The following GSE1 variants were observed in gnomAD, a reference collection of about 807,000 sequenced individuals.
The protein encoded by GSE1 is genetic suppressor element 1.
GSE1 carries 32 observed loss-of-function variants against 112.6 expected under a neutral mutation model. The ratio of observed to expected loss-of-function variants is 0.28; its 90% confidence interval spans 0.21 to 0.38. The LOEUF is 0.38. GSE1 is among the 10% of genes least tolerant of loss of function. The pLI, the probability that GSE1 is intolerant of heterozygous loss-of-function variation, is 1.00. For synonymous variants in GSE1, 1,115 were observed against 735.6 expected, an observed-to-expected ratio of 1.52 and a Z score of -8.35; for missense variants, 2,348 against 1,699.2, an observed-to-expected ratio of 1.38 and a Z score of -6.71.
At chr16:85,267,539 T>G (rs1327600901) in intron 1 of GSE1, among the ~76,000 whole-genome samples, 1 of 152,112 alleles carries the variant, frequency 6.6e-6, no homozygotes. Flanking sequence ...GTCACGCTCC[T>G]TAGCCACCCC....
intron 1 of GSE1, among the ~76,000 whole-genome samples, chr16:85,255,101 T>C (rs1343158864): frequency 6.9e-6 from 1 of 145,976 alleles, no homozygotes; most frequent in Non-Finnish European, 1.5e-5. Context: ...GCGGCGGCGG[T>C]CGCTGTTGCC....
Position 85,184,394 on chromosome 16 carries a change from C to T in GSE1, c.2283+12587C>T, listed in dbSNP as rs185884981. Among the ~76,000 whole-genome samples, 801 of 152,304 alleles carry T rather than the reference C, an allele frequency of 5.3e-3. 8 individuals are homozygous for T. Among genetic ancestry groups the T allele is most frequent in the African/African-American group, 0.018 (762 of 41,556 alleles). On this transcript the variant is annotated intron_variant, in intron 1 of 2. Transcript: ENST00000637419. ...GGGAAAAGAGGGGAATCTGCAAAGT[C>T]ATGTTTTCCCTCAGGATGTGGAGAG...
At chr16:85,574,554 G>A (rs116162335) in intron 1 of GSE1, among the ~76,000 whole-genome samples, 11,656 of 152,268 alleles carry the variant, frequency 0.077, 1,075 homozygotes, top group African/African-American at 0.2. Flanking sequence ...AAGTGACCTC[G>A]TAGAACACAC....
chr16:85,182,146 G>A (rs2143313185), intron 1 of GSE1, among the ~76,000 whole-genome samples: 1 of 152,298 alleles, frequency 6.6e-6, no homozygotes, highest in African/African-American at 2.4e-5. Flanking sequence ...CTCCTGGGAA[G>A]CCCTCCCCCA....
intron 1 of GSE1, among the ~76,000 whole-genome samples, chr16:85,563,896 G>A (rs1327864327): frequency 1.3e-5 from 2 of 152,220 alleles, no homozygotes; most frequent in Admixed American, 6.5e-5. Context: ...GGCGAGCTAG[G>A]ATGTTGTTGC....
chr16:85,492,343 C>T (rs1312398432), intron 2 of GSE1, among the ~76,000 whole-genome samples: 3 of 152,178 alleles, frequency 2.0e-5, no homozygotes, highest in South Asian at 4.1e-4. Flanking sequence ...CAGCAGGCCC[C>T]ATCCCTGTTT....
intron 1 of GSE1, among the ~76,000 whole-genome samples, chr16:85,572,386 C>CCT (rs2046035208): frequency 6.8e-6 from 1 of 148,148 alleles, no homozygotes; most frequent in Admixed American, 6.7e-5. Context: ...ACCACATACC[C>CCT]CCACACACAA....
At chr16:85,172,823 C>T (rs913182129) in intron 1 of GSE1, among the ~76,000 whole-genome samples, 2 of 152,244 alleles carry the variant, frequency 1.3e-5, no homozygotes, top group Non-Finnish European at 2.9e-5. Context: ...CTCCCACCTG[C>T]ACGTGTGGGG....
chr16:85,305,919 G>A (rs376029926), intron 1 of GSE1, among the ~76,000 whole-genome samples: 2 of 152,050 alleles, frequency 1.3e-5, no homozygotes, highest in South Asian at 2.1e-4. Flanking sequence ...GTGAAACACC[G>A]TCTCTACTAA....
At chr16:85,267,249 G>A (rs1908344269) in intron 1 of GSE1, among the ~76,000 whole-genome samples, 1 of 152,206 alleles carries the variant, frequency 6.6e-6, no homozygotes, top group Admixed American at 6.5e-5. Flanking sequence ...GGGGTGCCCA[G>A]GAAGTGGGGG....
At chr16:85,501,215 G>C (rs2051355947) in intron 2 of GSE1, among the ~76,000 whole-genome samples, 1 of 151,684 alleles carries the variant, frequency 6.6e-6, no homozygotes, top group Admixed American at 6.6e-5. Flanking sequence ...TGTTAGCCAG[G>C]ATAGTCTCAA....
intron 14 of GSE1, among the ~76,000 whole-genome samples, chr16:85,669,435 A>C (rs1052577054): frequency 1.3e-5 from 2 of 151,894 alleles, no homozygotes; most frequent in Admixed American, 6.6e-5. Context: ...AGTCAGGAAA[A>C]GTATTCTCCA....
chr16:85,563,874 C>G (rs574913646), intron 1 of GSE1, among the ~76,000 whole-genome samples: 1 of 152,372 alleles, frequency 6.6e-6, no homozygotes, highest in African/African-American at 2.4e-5. Flanking sequence ...TTGGACCGGG[C>G]TGTGCCACTG....
At chr16:85,300,373 A>G (rs980146265) in intron 1 of GSE1, among the ~76,000 whole-genome samples, 1 of 152,184 alleles carries the variant, frequency 6.6e-6, no homozygotes, top group Non-Finnish European at 1.5e-5. Context: ...GTGCCGTACA[A>G]CTGTCACCGC....
At chr16:85,269,506 C>T (rs1908612061) in intron 1 of GSE1, among the ~76,000 whole-genome samples, 1 of 149,454 alleles carries the variant, frequency 6.7e-6, no homozygotes, top group African/African-American at 2.4e-5. Context: ...GGTAACAAAA[C>T]ACTCTTTCCT....
chr16:85,307,749 G>C (rs147818844), intron 1 of GSE1, among the ~76,000 whole-genome samples: 6 of 152,310 alleles, frequency 3.9e-5, no homozygotes, highest in Admixed American at 1.3e-4. Context: ...GATGCCCTGT[G>C]GTTCAAGGCC....
intron 2 of GSE1, among the ~76,000 whole-genome samples, chr16:85,518,142 C>T (rs374083705): frequency 1.3e-4 from 20 of 152,354 alleles, no homozygotes; most frequent in Middle Eastern, 3.4e-3. Flanking sequence ...GCTGCTGCCA[C>T]GGCCCCGCCA....
At chr16:85,658,418 G>T (rs562171006) in intron 8 of GSE1, among the ~76,000 whole-genome samples, 2 of 152,240 alleles carry the variant, frequency 1.3e-5, no homozygotes, top group African/African-American at 4.8e-5. Flanking sequence ...AGGAGGGTGG[G>T]TAGGATGATT....
rs199942155 is a variant in GSE1, at chr16:85,655,787, G to A, written c.859G>A (p.Gly287Ser). The A allele has an allele frequency of 2.0e-5, 17 of 867,546 alleles. No individual in the cohort carries two copies. In the East Asian group the frequency reaches 2.7e-4, roughly 14 times the overall value. The allele number at this position is 867,546 out of a possible 1,614,324, so 53.7% of individuals were successfully genotyped here. ...RSPFYPIPTP[G>S]SLPPLHPSAM... ...CCCGTTCTACCCCATCCCCACCCCCGGCTCCCTGCCCCCACTGCACCCATC... is the reference window on the plus strand; with the variant it reads ...CCCGTTCTACCCCATCCCCACCCCCAGCTCCCTGCCCCCACTGCACCCATC... The change falls in exon 6 of 16, where the codon GGC becomes AGC. Residue 287 changes from glycine (G) to serine (S), a missense_variant. Transcript: ENST00000253458.
Sources: gnomAD v4.1 joint callset for allele counts (sites outside exome capture counted in the v4.1 genomes callset) on GRCh38, gnomAD v4.1.1 for gene constraint, MANE v1.5 for transcripts, NCBI Gene and HGNC (gene_info 2026-07-23, HGNC 2026-07-21) for gene names.